PDLIM3: variants seen among roughly 807,000 people sequenced by gnomAD.
The protein encoded by PDLIM3 is PDZ and LIM domain 3, also known as PDZ and LIM domain protein 3.
In PDLIM3, 36 loss-of-function variants were observed where a neutral mutation model predicts 37.3. That is an observed-to-expected ratio of 0.97 (90% CI 0.74 to 1.28). The LOEUF is 1.28. Among genes scored for constraint, PDLIM3 ranks in the 50% most tolerant of loss-of-function variants. The pLI is 0.00. For synonymous variants in PDLIM3, 174 were observed against 182.4 expected, an observed-to-expected ratio of 0.95 and a Z score of 0.37; for missense variants, 454 against 485.0, an observed-to-expected ratio of 0.94 and a Z score of 0.60.
At chr4:185,508,201 C>T in intron 5 of PDLIM3, 98 bp downstream of exon 5, 2 of 1,198,064 alleles carry the variant, frequency 1.7e-6, no homozygotes, top group Non-Finnish European at 1.2e-6. Flanking sequence ...TTTCACATAG[C>T]TTTCTTTCCA....
At chr4:185,508,631 G>C in intron 4 of PDLIM3, 69 bp from the exon 5 acceptor site, 1 of 1,514,616 alleles carries the variant, frequency 6.6e-7, no homozygotes, top group South Asian at 1.1e-5. Context: ...GAAGAACACA[G>C]AGAACACGTA....
intron 5 of PDLIM3, 56 bp downstream of exon 5, chr4:185,508,243 T>G: frequency 2.6e-6 from 4 of 1,543,752 alleles, no homozygotes; most frequent in Non-Finnish European, 2.7e-6. Context: ...CCAGTAAAGC[T>G]GACATTGCCC....
chr4:185,506,198 G>T (rs533679975), intron 6 of PDLIM3, among the ~76,000 whole-genome samples: 1 of 152,282 alleles, frequency 6.6e-6, no homozygotes, highest in Non-Finnish European at 1.5e-5. Context: ...CAGAGTGTGG[G>T]GGGGAGGCTG....
rs558329453 is a variant in PDLIM3, at chr4:185,535,456, G to A, written c.-22C>T. On this transcript the variant is annotated 5_prime_UTR_variant, in exon 1 of 8. Coordinates refer to ENST00000284767, the MANE Select transcript of PDLIM3 (RefSeq NM_014476.6). ...GCATGCCGCCTTCCTCCCGCCCACC[G>A]GGCTCTAAGTGTCCCCGCGCAGGGC... 21 of 1,565,664 alleles carry A rather than the reference G, an allele frequency of 1.3e-5. No homozygotes were observed. Among genetic ancestry groups the A allele is most frequent in the Middle Eastern group, 1.8e-4 (1 of 5,712 alleles).
intron 3 of PDLIM3, chr4:185,515,107 T>C (rs2095712979): frequency 2.6e-6 from 1 of 381,796 alleles, no homozygotes; most frequent in Admixed American, 4.2e-5. Context: ...GAAAAGGAAC[T>C]GACCTTATTT....
chr4:185,534,824 G>A (rs2095750584), intron 1 of PDLIM3, among the ~76,000 whole-genome samples: 2 of 152,170 alleles, frequency 1.3e-5, no homozygotes, highest in Admixed American at 6.5e-5. Context: ...GCTCCAGTTT[G>A]GCCAACGCAG....
intron 4 of PDLIM3, chr4:185,512,957 G>T (rs2095708964): frequency 1.0e-6 from 1 of 985,336 alleles, no homozygotes; most frequent in African/African-American, 1.7e-5. Context: ...AGCATCGGGA[G>T]CGAGACGGCT....
intron 1 of PDLIM3, among the ~76,000 whole-genome samples, chr4:185,534,947 C>A (rs1424116275): frequency 6.6e-6 from 1 of 152,180 alleles, no homozygotes; most frequent in East Asian, 1.9e-4. Flanking sequence ...GCCTCTCCCA[C>A]CCGGGACCCA....
At chr4:185,519,737 G>A (rs2095720255) in intron 3 of PDLIM3, among the ~76,000 whole-genome samples, 1 of 152,136 alleles carries the variant, frequency 6.6e-6, no homozygotes, top group East Asian at 1.9e-4. Context: ...GGGCTTGGAT[G>A]GTATAGTTTT....
chr4:185,513,596 A>C (rs1339732256), intron 4 of PDLIM3: 1 of 986,536 alleles, frequency 1.0e-6, no homozygotes, highest in Non-Finnish European at 1.2e-6. Context: ...AGTTTGCAAC[A>C]GCTGCGGTAA....
chr4:185,518,406 C>T (rs544429991), intron 3 of PDLIM3, among the ~76,000 whole-genome samples: 1 of 151,828 alleles, frequency 6.6e-6, no homozygotes, highest in Non-Finnish European at 1.5e-5. Flanking sequence ...CCAACAGAAA[C>T]AGTATGTTTG....
chr4:185,519,769 A>C (rs2095720395), intron 3 of PDLIM3, among the ~76,000 whole-genome samples: 1 of 152,234 alleles, frequency 6.6e-6, no homozygotes, highest in Non-Finnish European at 1.5e-5. Context: ...GTAAGTGAGA[A>C]AGTGTATTTT....
chr4:185,534,337 T>A (rs1250228055), intron 1 of PDLIM3, among the ~76,000 whole-genome samples: 2 of 152,070 alleles, frequency 1.3e-5, no homozygotes, highest in Non-Finnish European at 2.9e-5. Context: ...ATGAGAAGAA[T>A]ACAAGAAAAT....
intron 5 of PDLIM3, 119 bp downstream of exon 5, chr4:185,508,180 T>C (rs759902346): frequency 6.8e-6 from 7 of 1,026,926 alleles, no homozygotes; most frequent in Non-Finnish European, 1.1e-5. Flanking sequence ...CCTTAGTATT[T>C]TAAAAAAGCT....
chr4:185,512,126 A>AC (rs745873005), intron 4 of PDLIM3: 2 of 132,658 alleles, frequency 1.5e-5, no homozygotes, highest in Non-Finnish European at 3.1e-5. Context: ...ATGGAGTCTC[A>AC]CGCTTGTTGC....
intron 2 of PDLIM3, among the ~76,000 whole-genome samples, chr4:185,523,727 T>G (rs964161340): frequency 4.0e-5 from 6 of 150,884 alleles, no homozygotes; most frequent in African/African-American, 1.2e-4. Context: ...CAAGCGATTC[T>G]CCTCCCTCAG....
At chr4:185,521,817 C>T (rs2095723811) in intron 3 of PDLIM3, among the ~76,000 whole-genome samples, 1 of 65,994 alleles carries the variant, frequency 1.5e-5, no homozygotes, top group South Asian at 5.5e-4. Flanking sequence ...TTTAGGCCCT[C>T]CAGTTCCTTT....
At position 185,504,515 on chromosome 4, in the gene PDLIM3, GT is replaced by G; in HGVS notation, c.864del (p.Gln289ArgfsTer13). 6.2e-7 allele frequency: 1 copy of G among 1,614,144 alleles called. No individual in the cohort carries two copies. Among genetic ancestry groups the G allele is most frequent in the East Asian group, 2.2e-5 (1 of 44,888 alleles). On this transcript the variant is annotated frameshift_variant, in exon 7 of 8. Coordinates refer to ENST00000284767, the MANE Select transcript of PDLIM3 (RefSeq NM_014476.6). LOFTEE classifies it high-confidence loss of function. The surrounding 1 kb of genome is among the most constrained non-coding windows in gnomAD (Gnocchi z 4.7). ...VTKVHGGSGGAQRMPLCDKCG... is the reference protein window; with the variant it reads ...VTKVHGGSGGXQRMPLCDKCG... ...CATTTGTCACAGAGCGGCATCCTCT[GT>G]GCCCCGCCTGAACCGCCATGGACTT...
chr4:185,504,638 T>A lies in PDLIM3; in HGVS notation c.794-52A>T. On this transcript the variant is annotated intron_variant, in intron 6 of 7. Coordinates refer to ENST00000284767, the MANE Select transcript of PDLIM3 (RefSeq NM_014476.6). This position sits in a 1 kb window ranked among gnomAD's most constrained non-coding sequence, Gnocchi z 4.7. ...GGCTAGGGAACAGCTGGCCGCAGCC[T>A]GTGCTTGGCTTCTATTTTAAAGTGT... 2.1e-6 allele frequency: 3 copies of A among 1,395,752 alleles called. No individual in the cohort carries two copies. Among genetic ancestry groups the A allele is most frequent in the Non-Finnish European group, 3.0e-6 (3 of 992,446 alleles). 86.5% of individuals were successfully genotyped at this position (1,395,752 alleles called of 1,614,324 possible).
Sources: gnomAD v4.1 joint callset for allele counts (sites outside exome capture counted in the v4.1 genomes callset) on GRCh38, gnomAD v4.1.1 for gene constraint, Gnocchi (gnomAD v3.1) non-coding constraint, MANE v1.5 for transcripts, NCBI Gene and HGNC (gene_info 2026-07-23, HGNC 2026-07-21) for gene names.